ANO2: variants seen among roughly 807,000 people sequenced by gnomAD.
The protein encoded by ANO2 is anoctamin 2.
ANO2 carries 101 observed loss-of-function variants against 124.2 expected under a neutral mutation model. The observed-to-expected ratio is 0.81, with a 90% CI of 0.69 to 0.96. The LOEUF is 0.96. Among genes scored for constraint, ANO2 ranks in the 40% least tolerant of loss-of-function variants. The pLI is 0.00. For synonymous variants in ANO2, 486 were observed against 482.5 expected, an observed-to-expected ratio of 1.01 and a Z score of -0.09; for missense variants, 1,293 against 1,274.5, an observed-to-expected ratio of 1.01 and a Z score of -0.22.
intron 3 of ANO2, among the ~76,000 whole-genome samples, chr12:5,887,781 G>A (rs1939041230): frequency 6.6e-6 from 1 of 151,792 alleles, no homozygotes; most frequent in African/African-American, 2.4e-5. Context: ...GTTATCCTCT[G>A]TGCCCCTCAC....
chr12:5,667,291 C>T (rs1307757095), intron 14 of ANO2, among the ~76,000 whole-genome samples: 6 of 135,118 alleles, frequency 4.4e-5, no homozygotes, highest in Non-Finnish European at 9.9e-5. Flanking sequence ...AGATCAAGTT[C>T]CCACACTTCA....
intron 14 of ANO2, 41 bp downstream of exon 14, chr12:5,732,479 A>G (rs779306544): frequency 6.5e-7 from 1 of 1,547,134 alleles, no homozygotes; most frequent in South Asian, 1.2e-5. Context: ...CAGGATCTCA[A>G]CAAGTAAAGA....
chr12:5,832,493 C>A lies in ANO2; in HGVS notation c.744G>T (p.Met248Ile). 1 of 1,613,990 alleles carries A rather than the reference C, an allele frequency of 6.2e-7. No individual in the cohort carries two copies. The highest frequency in any genetic ancestry group is 8.5e-7 in the Non-Finnish European group (1 of 1,179,884). ...PRVPEHSNNK[M>I]KNLSYPFSRE... ...TGGAGAATGGGTAGGAGAGGTTTTT[C>A]ATCTTGTTGTTGCTGTGTTCTGGAA... Residue 248 changes from methionine (M) to isoleucine (I), a missense_variant, in exon 5 of 25, where the codon ATG becomes ATT. Physicochemically the swap from Met to Ile is conservative, Grantham distance 10. Transcript: ENST00000682330.
intron 14 of ANO2, among the ~76,000 whole-genome samples, chr12:5,674,905 T>C (rs1265683650): frequency 6.6e-6 from 1 of 152,200 alleles, no homozygotes; most frequent in East Asian, 1.9e-4. Flanking sequence ...TCATCATCAT[T>C]ACGGCTCTTA....
intron 9 of ANO2, 138 bp downstream of exon 9, chr12:5,805,914 G>A: frequency 1.3e-6 from 1 of 786,746 alleles, no homozygotes; most frequent in Non-Finnish European, 2.0e-6. Flanking sequence ...CCTGGGTGGG[G>A]GAAAGGGGGG....
chr12:5,745,409 C>T (rs1319149151), intron 11 of ANO2, among the ~76,000 whole-genome samples: 1 of 152,142 alleles, frequency 6.6e-6, no homozygotes, highest in East Asian at 1.9e-4. Flanking sequence ...GGCAGGGGAT[C>T]CAGCACTGAG....
chr12:5,758,521 G>A (rs1194625695), intron 10 of ANO2, among the ~76,000 whole-genome samples: 1 of 152,212 alleles, frequency 6.6e-6, no homozygotes, highest in Non-Finnish European at 1.5e-5. Flanking sequence ...GGAGGGGCAT[G>A]GAGAAATACC....
At chr12:5,810,098 G>A (rs868863026) in intron 7 of ANO2, among the ~76,000 whole-genome samples, 28 of 152,170 alleles carry the variant, frequency 1.8e-4, no homozygotes, top group Admixed American at 5.2e-4. Context: ...CCAAAATGCC[G>A]CAACTGGATG....
Position 5,585,783 on chromosome 12 carries a change from AATG to A in ANO2, c.2234-7268_2234-7266del, listed in dbSNP as rs532319806. ...GGGCAATGAAACCAGTCATGATTGG[AATG>A]AAGTTCCCAAGCAACAAATCATTAC... On this transcript the variant is annotated intron_variant, in intron 20 of 24. Transcript: ENST00000682330. Among the ~76,000 whole-genome samples, 72 of 152,294 alleles carry A rather than the reference AATG, an allele frequency of 4.7e-4. No individual in the cohort carries two copies. In the South Asian group the frequency reaches 0.015, roughly 31 times the overall value.
chr12:5,833,977 C>T (rs562941723), intron 4 of ANO2, among the ~76,000 whole-genome samples: 3 of 152,062 alleles, frequency 2.0e-5, no homozygotes, highest in Admixed American at 2.0e-4. Context: ...ACGGAGGCGT[C>T]CTGAGAGTAC....
chr12:5,829,720 A>G (rs1000799542), intron 6 of ANO2, among the ~76,000 whole-genome samples: 2 of 152,184 alleles, frequency 1.3e-5, no homozygotes, highest in African/African-American at 4.8e-5. Flanking sequence ...AGGGTGATAG[A>G]GAATAAACTG....
chr12:5,614,240 G>C (rs1211201872), intron 17 of ANO2, among the ~76,000 whole-genome samples: 1 of 152,202 alleles, frequency 6.6e-6, no homozygotes, highest in African/African-American at 2.4e-5. Context: ...ATTCCTGCAT[G>C]AACATCTAAA....
At chr12:5,801,819 A>G (rs1953050014) in intron 9 of ANO2, among the ~76,000 whole-genome samples, 1 of 152,120 alleles carries the variant, frequency 6.6e-6, no homozygotes, top group Non-Finnish European at 1.5e-5. Context: ...ACCTAATCTT[A>G]TTCTTATTAG....
intron 14 of ANO2, among the ~76,000 whole-genome samples, chr12:5,672,151 T>C (rs1470125029): frequency 6.6e-6 from 1 of 152,070 alleles, no homozygotes; most frequent in Non-Finnish European, 1.5e-5. Context: ...ACCGCACCAA[T>C]TCCCCACAGC....
intron 14 of ANO2, among the ~76,000 whole-genome samples, chr12:5,707,636 G>C (rs1049119641): frequency 2.6e-5 from 4 of 152,106 alleles, no homozygotes; most frequent in Non-Finnish European, 5.9e-5. Flanking sequence ...CCCACCCCCA[G>C]AGGATACCCA....
intron 4 of ANO2, among the ~76,000 whole-genome samples, chr12:5,853,388 T>C (rs886686745): frequency 6.6e-6 from 1 of 151,710 alleles, no homozygotes; most frequent in African/African-American, 2.4e-5. Flanking sequence ...TGTGTGGCTG[T>C]CAACCCAGAT....
At chr12:5,651,220 T>C (rs1160073991) in intron 14 of ANO2, among the ~76,000 whole-genome samples, 1 of 152,238 alleles carries the variant, frequency 6.6e-6, no homozygotes, top group South Asian at 2.1e-4. Flanking sequence ...TGTCCCTTGA[T>C]GATGGCTCCC....
intron 13 of ANO2, among the ~76,000 whole-genome samples, chr12:5,735,280 C>T (rs552814385): frequency 3.3e-5 from 5 of 152,132 alleles, no homozygotes; most frequent in Non-Finnish European, 4.4e-5. Flanking sequence ...CCCCTCCCAT[C>T]GAGACTCTGG....
intron 20 of ANO2, among the ~76,000 whole-genome samples, chr12:5,579,843 A>G (rs575108560): frequency 4.0e-4 from 61 of 152,298 alleles, no homozygotes; most frequent in African/African-American, 1.4e-3. Flanking sequence ...TCATTTGTGC[A>G]TAAGCATACA....
Sources: gnomAD v4.1 joint callset for allele counts (sites outside exome capture counted in the v4.1 genomes callset) on GRCh38, gnomAD v4.1.1 for gene constraint, MANE v1.5 for transcripts, NCBI Gene and HGNC (gene_info 2026-07-23, HGNC 2026-07-21) for gene names.